The following BRCA2 variants were observed in gnomAD, a reference collection of about 807,000 sequenced individuals.
BRCA2 encodes breast cancer type 2 susceptibility protein.
In BRCA2, 203 loss-of-function variants were observed where a neutral mutation model predicts 276.7. The ratio of observed to expected loss-of-function variants is 0.73; its 90% CI spans 0.65 to 0.82. BRCA2 has a LOEUF of 0.82. BRCA2 is among the 40% of genes least tolerant of loss of function. The pLI is 0.00. For missense variants in BRCA2, 3,920 were observed against 3,915.0 expected (o/e 1.00, Z -0.03); for synonymous variants, 1,289 against 1,338.4 (o/e 0.96, Z 0.81).
Position 32,398,382 on chromosome 13 carries a change from T to C in BRCA2, c.9869T>C (p.Val3290Ala), listed in dbSNP as rs747850861. ...PPPVSPICTF[V>A]SPAAQKAFQP... ...CCTGTTAGTCCCATTTGTACATTTGTTTCTCCGGCTGCACAGAAGGCATTT... is the reference window on the plus strand; with the variant it reads ...CCTGTTAGTCCCATTTGTACATTTGCTTCTCCGGCTGCACAGAAGGCATTT... The change falls in exon 27 of 27, where the codon GTT (valine) becomes GCT (alanine). Residue 3290 changes from valine (V) to alanine (A), a missense_variant. Val to Ala is a moderately conservative substitution (Grantham distance 64). Coordinates refer to ENST00000380152, the MANE Select transcript of BRCA2 (RefSeq NM_000059.4). 2 of 1,614,040 alleles carry C rather than the reference T, an allele frequency of 1.2e-6. No individual in the cohort carries two copies. The highest frequency in any genetic ancestry group is 2.2e-5 in the East Asian group (1 of 44,900).
At chr13:32,351,478 A>G (rs1593915873) in intron 13 of BRCA2, among the ~76,000 whole-genome samples, 2 of 152,260 alleles carry the variant, frequency 1.3e-5, no homozygotes, top group African/African-American at 4.8e-5. Context: ...CCACAGCTTC[A>G]TTCTTGAAGT....
At chr13:32,325,039 G>C (rs778029839) in intron 3 of BRCA2, 37 bp from the exon 4 acceptor site, 1 of 1,372,334 alleles carries the variant, frequency 7.3e-7, no homozygotes, top group Non-Finnish European at 1.0e-6. Context: ...ATAATCCAGA[G>C]TATATACATT....
intron 12 of BRCA2, among the ~76,000 whole-genome samples, chr13:32,344,940 G>A (rs538023271): frequency 6.6e-6 from 1 of 152,148 alleles, no homozygotes; most frequent in Admixed American, 6.5e-5. Flanking sequence ...AGTTCACTGA[G>A]TTATGCGGAT....
intron 24 of BRCA2, among the ~76,000 whole-genome samples, chr13:32,387,526 C>T (rs1202544688): frequency 1.3e-5 from 2 of 152,130 alleles, no homozygotes; most frequent in Non-Finnish European, 2.9e-5. Flanking sequence ...AAAAGGGAGT[C>T]TCATTTCCTT....
intron 24 of BRCA2, among the ~76,000 whole-genome samples, chr13:32,391,735 C>G (rs2072998622): frequency 6.6e-6 from 1 of 152,170 alleles, no homozygotes; most frequent in African/African-American, 2.4e-5. Flanking sequence ...TTCTTCTTTT[C>G]CTTTTGTCTT....
intron 24 of BRCA2, among the ~76,000 whole-genome samples, chr13:32,380,748 A>C (rs559391538): frequency 3.2e-4 from 49 of 151,682 alleles, no homozygotes; most frequent in African/African-American, 1.1e-3. Flanking sequence ...CACCGTGTTA[A>C]CCAGGATAGT....
chr13:32,342,705 C>G (rs901379734), intron 11 of BRCA2, among the ~76,000 whole-genome samples: 1 of 152,138 alleles, frequency 6.6e-6, no homozygotes, highest in Non-Finnish European at 1.5e-5. Flanking sequence ...CAGTGGCAAG[C>G]ATTTGTGTAT....
intron 7 of BRCA2, 51 bp downstream of exon 7, chr13:32,326,664 T>C (rs778615638): frequency 2.3e-5 from 30 of 1,329,888 alleles, no homozygotes; most frequent in African/African-American, 4.4e-5. Flanking sequence ...AGGTTGATAA[T>C]TGTCATCTCT....
At chr13:32,384,357 T>C (rs1052187719) in intron 24 of BRCA2, among the ~76,000 whole-genome samples, 6 of 152,108 alleles carry the variant, frequency 3.9e-5, no homozygotes, top group Non-Finnish European at 8.8e-5. Context: ...TTGAAAGGAT[T>C]CGAGGAGATG....
chr13:32,346,592 A>G (rs1042820531), intron 12 of BRCA2, among the ~76,000 whole-genome samples: 4 of 152,114 alleles, frequency 2.6e-5, no homozygotes, highest in African/African-American at 9.6e-5. Context: ...GTTAACATCA[A>G]CTGACTAAAT....
Position 32,337,764 on chromosome 13 carries a change from T to A in BRCA2, c.3409T>A (p.Leu1137Met), listed in dbSNP as rs1054724641. 6.2e-7 allele frequency: 1 copy of A among 1,613,984 alleles called. No homozygotes were observed. Among genetic ancestry groups the A allele is most frequent in the Non-Finnish European group, 8.5e-7 (1 of 1,179,898 alleles). Residue 1137 changes from leucine to methionine, a missense_variant, in exon 11 of 27, where the codon TTG becomes ATG. By Grantham distance (15) the Leu-to-Met change is conservative. Transcript: ENST00000380152. ...FTQFRKPSYI[L>M]QKSTFEVPEN... ...TCAGTTTAGAAAACCAAGCTACATATTGCAGAAGAGTACATTTGAAGTGCC... is the reference window on the plus strand; with the variant it reads ...TCAGTTTAGAAAACCAAGCTACATAATGCAGAAGAGTACATTTGAAGTGCC...
intron 18 of BRCA2, among the ~76,000 whole-genome samples, chr13:32,367,441 A>G (rs1192049268): frequency 7.4e-6 from 1 of 135,952 alleles, no homozygotes; most frequent in African/African-American, 2.6e-5. Context: ...CATCTCAAAG[A>G]AAAAAAAAAG....
chr13:32,380,800 A>G (rs2072920047), intron 24 of BRCA2, among the ~76,000 whole-genome samples: 2 of 151,760 alleles, frequency 1.3e-5, no homozygotes, highest in South Asian at 2.1e-4. Context: ...TCGGCCTCCC[A>G]AAGTGCTGGG....
intron 3 of BRCA2, among the ~76,000 whole-genome samples, chr13:32,322,075 G>A (rs754176159): frequency 8.6e-5 from 13 of 152,042 alleles, no homozygotes; most frequent in East Asian, 1.9e-4. Flanking sequence ...GTATAATGTC[G>A]TATATCTGCC....
intron 12 of BRCA2, among the ~76,000 whole-genome samples, chr13:32,346,591 A>G (rs143596715): frequency 4.2e-4 from 64 of 152,246 alleles, no homozygotes; most frequent in Middle Eastern, 3.4e-3. Flanking sequence ...GGTTAACATC[A>G]ACTGACTAAA....
At chr13:32,390,501 G>A (rs1013824735) in intron 24 of BRCA2, among the ~76,000 whole-genome samples, 1 of 152,036 alleles carries the variant, frequency 6.6e-6, no homozygotes, top group Non-Finnish European at 1.5e-5. Flanking sequence ...TATTCCTGAT[G>A]CATGATAACA....
In BRCA2 at chr13:32,317,661, T is replaced by C. The variant is rs11571579; in HGVS notation, c.67+1134T>C. On this transcript the variant is annotated intron_variant, in intron 2 of 26. Transcript: ENST00000380152. ...AAACTATTTTAAAAATCTCATTCATTAATACCACCATGGATGTCAGAAAAG... is the reference window on the plus strand; with the variant it reads ...AAACTATTTTAAAAATCTCATTCATCAATACCACCATGGATGTCAGAAAAG... Among the ~76,000 whole-genome samples, 42,207 of 152,134 alleles carry C rather than the reference T, an allele frequency of 0.28. 5,999 individuals are homozygous for C. Among genetic ancestry groups the C allele is most frequent in the East Asian group, 0.4 (2,064 of 5,182 alleles).
At chr13:32,316,158 G>A (rs766738937) in intron 1 of BRCA2, among the ~76,000 whole-genome samples, 1 of 152,172 alleles carries the variant, frequency 6.6e-6, no homozygotes, top group Non-Finnish European at 1.5e-5. Flanking sequence ...CGCGTCACTG[G>A]TTAGCGTGAT....
At chr13:32,374,049 C>G (rs950780774) in intron 20 of BRCA2, among the ~76,000 whole-genome samples, 7 of 152,260 alleles carry the variant, frequency 4.6e-5, no homozygotes, top group Non-Finnish European at 1.0e-4. Context: ...GGCTTGCACC[C>G]TCTCAAGCAA....
Sources: allele counts gnomAD v4.1 joint callset (sites outside exome capture counted in the v4.1 genomes callset), GRCh38; gene constraint gnomAD v4.1.1; transcripts MANE v1.5; gene names NCBI Gene and HGNC (gene_info 2026-07-23, HGNC 2026-07-21).